Variants in MAP4K3 observed in about 807,000 individuals in gnomAD.
The protein encoded by MAP4K3 is mitogen-activated protein kinase kinase kinase kinase 3.
A neutral mutation model predicts 143.5 loss-of-function variants in MAP4K3; 94 were observed. That is an observed-to-expected ratio of 0.65 (90% confidence interval 0.55 to 0.78). The LOEUF (loss-of-function observed/expected upper bound fraction) is 0.78. Ranked by LOEUF, MAP4K3 falls within the 30% of genes least tolerant of loss-of-function variation. The pLI is 0.00. For synonymous variants in MAP4K3, 416 were observed against 347.2 expected (o/e 1.20, Z -2.20); for missense variants, 1,077 against 1,068.1 (o/e 1.01, Z -0.12).
chr2:39,363,647 C>CAATAGAG (rs1165558247), intron 2 of MAP4K3, among the ~76,000 whole-genome samples: 2 of 105,596 alleles, frequency 1.9e-5, no homozygotes, highest in African/African-American at 7.5e-5. Flanking sequence ...CTAGCTTGGG[C>CAATAGAG]AATAGAGTGA....
At chr2:39,426,567 T>C (rs1276398950) in intron 1 of MAP4K3, among the ~76,000 whole-genome samples, 1 of 151,842 alleles carries the variant, frequency 6.6e-6, no homozygotes, top group African/African-American at 2.4e-5. Context: ...CTCAAATGGT[T>C]CAGAAAAAAA....
At chr2:39,298,109 A>T (rs1333537460) in intron 16 of MAP4K3, among the ~76,000 whole-genome samples, 2 of 152,150 alleles carry the variant, frequency 1.3e-5, no homozygotes, top group African/African-American at 2.4e-5. Flanking sequence ...AAATACACTA[A>T]AATTTACTAA....
chr2:39,312,913 C>A (rs1323098527), intron 13 of MAP4K3, among the ~76,000 whole-genome samples: 1 of 152,166 alleles, frequency 6.6e-6, no homozygotes, highest in Non-Finnish European at 1.5e-5. Flanking sequence ...TGTGAACATG[C>A]CCATTTCTCC....
At position 39,350,684 on chromosome 2, in the gene MAP4K3, C is replaced by T. The variant is rs576204221; in HGVS notation, c.245+5565G>A. On this transcript the variant is annotated intron_variant, in intron 3 of 33. Coordinates refer to ENST00000263881, the MANE Select transcript of MAP4K3 (RefSeq NM_003618.4). ...TTCCTGGATTACTGTAATAAATACACCATAATTAGTTTAACTAAATTGCCT... is the reference window on the plus strand; with the variant it reads ...TTCCTGGATTACTGTAATAAATACATCATAATTAGTTTAACTAAATTGCCT... Among the ~76,000 whole-genome samples the T allele has an allele frequency of 9.4e-4, 143 of 152,224 alleles. 1 individual carries two copies. The highest frequency in any genetic ancestry group is 3.1e-3 in the African/African-American group (128 of 41,534).
rs1365631830 is a variant in MAP4K3 at position 39,403,035 on chromosome 2, A to C, written c.97-24912T>G. 2.0e-5 allele frequency among the ~76,000 whole-genome samples: 3 copies of C among 152,192 alleles called. No individual in the cohort carries two copies. In the East Asian group the frequency reaches 5.8e-4, roughly 29 times the overall value. On this transcript the variant is annotated intron_variant, in intron 1 of 33. Coordinates refer to ENST00000263881, the MANE Select transcript of MAP4K3 (RefSeq NM_003618.4). ...TAAATAGCCCTATATTTCTAAAAGA[A>C]ACTCAATCTATAGTTTAAAATGCCC...
At chr2:39,300,114 C>T (rs1682449054) in intron 15 of MAP4K3, among the ~76,000 whole-genome samples, 1 of 151,976 alleles carries the variant, frequency 6.6e-6, no homozygotes, top group Non-Finnish European at 1.5e-5. Context: ...GGTGTTTATT[C>T]TCCAGTTATA....
intron 18 of MAP4K3, among the ~76,000 whole-genome samples, chr2:39,290,875 C>A (rs1682013711): frequency 6.6e-6 from 1 of 152,208 alleles, no homozygotes; most frequent in East Asian, 1.9e-4. Context: ...TCAAGACCAT[C>A]CTACCATCGT....
chr2:39,391,756 A>G (rs568115667), intron 1 of MAP4K3, among the ~76,000 whole-genome samples: 1 of 152,270 alleles, frequency 6.6e-6, no homozygotes, highest in South Asian at 2.1e-4. Flanking sequence ...ATTGATTTCT[A>G]ACATTTTCGT....
intron 4 of MAP4K3, among the ~76,000 whole-genome samples, chr2:39,341,407 C>T (rs1665136290): frequency 6.6e-6 from 1 of 152,084 alleles, no homozygotes; most frequent in South Asian, 2.1e-4. Context: ...GCCTGTAATC[C>T]TAGCACTTTG....
intron 2 of MAP4K3, among the ~76,000 whole-genome samples, chr2:39,375,959 T>C (rs1041132851): frequency 4.6e-5 from 7 of 152,220 alleles, no homozygotes; most frequent in Non-Finnish European, 7.3e-5. Flanking sequence ...ACACAACATA[T>C]TCATTCACCA....
intron 2 of MAP4K3, among the ~76,000 whole-genome samples, chr2:39,362,556 A>C (rs1233568092): frequency 6.6e-6 from 1 of 152,236 alleles, no homozygotes; most frequent in African/African-American, 2.4e-5. Flanking sequence ...GTTTAATTAG[A>C]AAAATAAATG....
At chr2:39,318,753 T>C (rs2148508452) in intron 12 of MAP4K3, among the ~76,000 whole-genome samples, 1 of 152,280 alleles carries the variant, frequency 6.6e-6, no homozygotes, top group South Asian at 2.1e-4. Flanking sequence ...TTACAAACCA[T>C]TTCACGTTTA....
At chr2:39,309,794 G>A (rs1038702117) in intron 13 of MAP4K3, among the ~76,000 whole-genome samples, 2 of 151,726 alleles carry the variant, frequency 1.3e-5, no homozygotes, top group Admixed American at 6.6e-5. Context: ...CCCTGACCTC[G>A]TGATCCACCC....
chr2:39,396,210 A>T (rs565295375), intron 1 of MAP4K3, among the ~76,000 whole-genome samples: 1 of 150,458 alleles, frequency 6.6e-6, no homozygotes, highest in Admixed American at 6.6e-5. Context: ...GCTAATTTTT[A>T]AATTTTTTAA....
intron 16 of MAP4K3, among the ~76,000 whole-genome samples, chr2:39,297,428 TTTTAAAAA>T (rs1313470799): frequency 1.3e-5 from 2 of 152,196 alleles, no homozygotes; most frequent in African/African-American, 4.8e-5. Flanking sequence ...TAGTGTTTTC[TTTTAAAAA>T]TAGTATTTTG....
intron 4 of MAP4K3, among the ~76,000 whole-genome samples, chr2:39,338,020 C>T (rs1573170018): frequency 6.6e-6 from 1 of 151,996 alleles, no homozygotes; most frequent in East Asian, 1.9e-4. Context: ...GCCTCAGCCT[C>T]CTGAAGTGCT....
intron 2 of MAP4K3, among the ~76,000 whole-genome samples, chr2:39,377,464 G>GA (rs1400066816): frequency 6.6e-6 from 1 of 152,026 alleles, no homozygotes; most frequent in Non-Finnish European, 1.5e-5. Flanking sequence ...AATTAGCTAA[G>GA]AAAAATGTGG....
chr2:39,417,018 G>T (rs1000158455), intron 1 of MAP4K3, among the ~76,000 whole-genome samples: 1 of 152,118 alleles, frequency 6.6e-6, no homozygotes, highest in African/African-American at 2.4e-5. Context: ...AAAGTTCACA[G>T]AATAATGCTT....
chr2:39,414,031 T>C (rs1217287589), intron 1 of MAP4K3, among the ~76,000 whole-genome samples: 1 of 152,240 alleles, frequency 6.6e-6, no homozygotes, highest in African/African-American at 2.4e-5. Flanking sequence ...AAGGAATATC[T>C]GCTAGAGAAC....
Sources: allele counts gnomAD v4.1 joint callset (sites outside exome capture counted in the v4.1 genomes callset), GRCh38; gene constraint gnomAD v4.1.1; transcripts MANE v1.5; gene names NCBI Gene and HGNC (gene_info 2026-07-23, HGNC 2026-07-21).